LDB2: variants seen among roughly 807,000 people sequenced by gnomAD.
LDB2 encodes the protein LIM domain binding 2, also known as LIM domain-binding protein 2.
In LDB2, 12 loss-of-function variants were observed where a neutral mutation model predicts 44.3. The ratio of observed to expected loss-of-function variants is 0.27; its 90% CI spans 0.17 to 0.44. The LOEUF (loss-of-function observed/expected upper bound fraction) is 0.44, where lower values mean the gene tolerates loss of function less well. Among genes scored for constraint, LDB2 ranks in the 20% least tolerant of loss-of-function variants. The probability of loss-of-function intolerance (pLI) is 1.00; values close to 1 mark genes in which losing one functional copy is unlikely to be tolerated. For missense variants in LDB2, 344 were observed against 473.5 expected (o/e 0.73, Z 2.54); for synonymous variants, 164 against 174.8 (o/e 0.94, Z 0.49).
chr4:16,505,911 C>T, intron 7 of LDB2: 1 of 1,551,604 alleles, frequency 6.4e-7, no homozygotes, highest in Non-Finnish European at 8.7e-7. Flanking sequence ...CAGAAGGGGT[C>T]ACTGCTGTTG....
chr4:16,797,262 A>G (rs1776920466), intron 1 of LDB2, among the ~76,000 whole-genome samples: 1 of 152,160 alleles, frequency 6.6e-6, no homozygotes, highest in Non-Finnish European at 1.5e-5. Context: ...AGGTGTAAGT[A>G]AACCCATGCA....
intron 2 of LDB2, among the ~76,000 whole-genome samples, chr4:16,640,930 C>T (rs576849668): frequency 4.3e-4 from 66 of 152,242 alleles, no homozygotes; most frequent in African/African-American, 1.4e-3. Flanking sequence ...ATTTTGTTTT[C>T]ATTAAATTGA....
At position 16,856,548 on chromosome 4, in the gene LDB2, C is replaced by T. The variant is rs558256394; in HGVS notation, c.132+41806G>A. ...TCAAAGTTTTAACTACTCAACTCTG[C>T]CACTGCAACACAATAGCATCCATAG... On this transcript the variant is annotated intron_variant, in intron 1 of 7. Transcript: ENST00000304523. 2.8e-4 allele frequency among the ~76,000 whole-genome samples: 43 copies of T among 152,256 alleles called. 1 individual carries two copies. The South Asian group carries it at 6.8e-3, about 24-fold the overall frequency.
intron 2 of LDB2, among the ~76,000 whole-genome samples, chr4:16,673,051 C>T (rs1302393957): frequency 6.6e-6 from 1 of 151,912 alleles, no homozygotes; most frequent in African/African-American, 2.4e-5. Flanking sequence ...TTACTCCCTC[C>T]ATCCTTCTTT....
chr4:16,519,104 T>C (rs145073720), intron 5 of LDB2, among the ~76,000 whole-genome samples: 1 of 152,346 alleles, frequency 6.6e-6, no homozygotes, highest in Admixed American at 6.5e-5. Flanking sequence ...ACCTCTTATC[T>C]ACGGCAAGCT....
rs916657975 is a variant in LDB2 at position 16,501,652 on chromosome 4, T to A, written c.*991A>T. The stretch of plus-strand genomic sequence containing the variant: ...GTGCCTTTACATGTGTGGAGGAACA[T>A]ATTAATATGCAAATGGAAAAATTAA... On this transcript the variant is annotated 3_prime_UTR_variant, in exon 8 of 8. Coordinates refer to ENST00000304523, the MANE Select transcript of LDB2 (RefSeq NM_001290.5). The A allele has an allele frequency of 4.6e-5, 7 of 152,646 alleles. No homozygotes were observed. Among genetic ancestry groups the A allele is most frequent in the Non-Finnish European group, 8.8e-5 (6 of 68,044 alleles). The allele number at this position is 152,646 out of a possible 1,614,324, so 9.5% of individuals were successfully genotyped here.
At chr4:16,843,105 T>G (rs1049643355) in intron 1 of LDB2, among the ~76,000 whole-genome samples, 4 of 152,232 alleles carry the variant, frequency 2.6e-5, no homozygotes, top group African/African-American at 9.6e-5. Flanking sequence ...TATACAAATC[T>G]GTACTCTGTG....
At chr4:16,564,292 T>C (rs1743661798) in intron 5 of LDB2, among the ~76,000 whole-genome samples, 1 of 151,814 alleles carries the variant, frequency 6.6e-6, no homozygotes, top group Non-Finnish European at 1.5e-5. Context: ...ACCTGGGAGG[T>C]GGAGGTTGCA....
chr4:16,609,216 C>T (rs1465334975), intron 2 of LDB2, among the ~76,000 whole-genome samples: 1 of 152,092 alleles, frequency 6.6e-6, no homozygotes, highest in Non-Finnish European at 1.5e-5. Flanking sequence ...GGAAACTGTG[C>T]AACCTACAGA....
At chr4:16,688,943 C>T (rs979355836) in intron 2 of LDB2, among the ~76,000 whole-genome samples, 3 of 152,114 alleles carry the variant, frequency 2.0e-5, no homozygotes, top group Non-Finnish European at 4.4e-5. Flanking sequence ...TAAACAACAA[C>T]AATAACAAAC....
intron 1 of LDB2, among the ~76,000 whole-genome samples, chr4:16,816,648 C>T (rs944811846): frequency 2.6e-5 from 4 of 151,878 alleles, no homozygotes; most frequent in Admixed American, 6.6e-5. Flanking sequence ...TGACCTCAAG[C>T]GATCCGCCCG....
chr4:16,859,434 T>C (rs1711724185), intron 1 of LDB2, among the ~76,000 whole-genome samples: 1 of 152,226 alleles, frequency 6.6e-6, no homozygotes, highest in Non-Finnish European at 1.5e-5. Context: ...CATAACAGTA[T>C]GGCAATACTG....
At chr4:16,800,972 GC>G (rs1166161997) in intron 1 of LDB2, among the ~76,000 whole-genome samples, 6 of 152,216 alleles carry the variant, frequency 3.9e-5, no homozygotes, top group African/African-American at 1.4e-4. Flanking sequence ...ACCGCGCCCG[GC>G]CGGAAGACAT....
intron 1 of LDB2, among the ~76,000 whole-genome samples, chr4:16,769,567 A>G (rs1294498582): frequency 1.3e-5 from 2 of 150,530 alleles, no homozygotes; most frequent in Non-Finnish European, 2.9e-5. Flanking sequence ...AAGTGCTGGG[A>G]TTACAGGTGT....
At chr4:16,844,248 C>CACAA (rs754904981) in intron 1 of LDB2, among the ~76,000 whole-genome samples, 1 of 30,060 alleles carries the variant, frequency 3.3e-5, no homozygotes, top group African/African-American at 1.3e-4. Flanking sequence ...ACCCTGTCTC[C>CACAA]AAAAAAAAAA....
intron 2 of LDB2, among the ~76,000 whole-genome samples, chr4:16,741,064 A>G (rs187803868): frequency 6.6e-6 from 1 of 152,332 alleles, no homozygotes; most frequent in African/African-American, 2.4e-5. Context: ...GAGTGTAGTT[A>G]TAATTGAGTT....
At chr4:16,525,942 C>T (rs1263269106) in intron 5 of LDB2, among the ~76,000 whole-genome samples, 1 of 152,168 alleles carries the variant, frequency 6.6e-6, no homozygotes, top group African/African-American at 2.4e-5. Flanking sequence ...TAGGGAATTA[C>T]AGCCGCTAAT....
chr4:16,717,764 G>A (rs563853091), intron 2 of LDB2, among the ~76,000 whole-genome samples: 7 of 152,110 alleles, frequency 4.6e-5, no homozygotes, highest in African/African-American at 1.2e-4. Flanking sequence ...TTTCTCCCAC[G>A]CATTTATGCC....
At chr4:16,868,443 T>C (rs977948655) in intron 1 of LDB2, among the ~76,000 whole-genome samples, 2 of 152,268 alleles carry the variant, frequency 1.3e-5, no homozygotes, top group Admixed American at 6.5e-5. Flanking sequence ...CTGTATAAAC[T>C]CTTAATATCA....
Sources: gnomAD v4.1 joint callset for allele counts (sites outside exome capture counted in the v4.1 genomes callset) on GRCh38, gnomAD v4.1.1 for gene constraint, MANE v1.5 for transcripts, NCBI Gene and HGNC (gene_info 2026-07-23, HGNC 2026-07-21) for gene names.